Variants in SLC39A14 observed in about 807,000 individuals in gnomAD.
The protein encoded by SLC39A14 is metal cation symporter ZIP14.
A neutral mutation model predicts 45.5 loss-of-function variants in SLC39A14; 19 were observed. That is an observed-to-expected ratio of 0.42 (90% CI 0.29 to 0.61). The LOEUF (loss-of-function observed/expected upper bound fraction) is 0.61. Ranked by LOEUF, SLC39A14 falls within the 20% of genes least tolerant of loss-of-function variation. The pLI is 0.22. For missense variants in SLC39A14, 447 were observed against 616.5 expected, an observed-to-expected ratio of 0.73 and a Z score of 2.91; for synonymous variants, 264 against 251.3, an observed-to-expected ratio of 1.05 and a Z score of -0.48.
chr8:22,395,169 C>T (rs940827384), intron 1 of SLC39A14, among the ~76,000 whole-genome samples: 3 of 152,044 alleles, frequency 2.0e-5, no homozygotes, highest in Admixed American at 6.6e-5. Flanking sequence ...GCCACCACAC[C>T]TGACTAATTT....
At chr8:22,404,229 GC>G (rs1835060476) in intron 1 of SLC39A14, among the ~76,000 whole-genome samples, 1 of 152,102 alleles carries the variant, frequency 6.6e-6, no homozygotes, top group Non-Finnish European at 1.5e-5. Flanking sequence ...TTCGAGACCA[GC>G]CTGGCCAACA....
Position 22,404,964 on chromosome 8 carries a change from A to G in SLC39A14, c.254A>G (p.His85Arg), listed in dbSNP as rs541842720. 27 of 1,614,036 alleles carry G rather than the reference A, an allele frequency of 1.7e-5. No individual in the cohort carries two copies. In the African/African-American group the frequency reaches 2.0e-4, roughly 12 times the overall value. Residue 85 changes from histidine (H) to arginine (R), a missense_variant, in exon 2 of 9, where the codon CAC (histidine) becomes CGC (arginine). Around this residue, in one of 2 missense-constraint regions of SLC39A14, gnomAD observed 342 missense variants for 428.1 expected, o/e 0.80. Transcript: ENST00000381237. ...AATGTCACCCAGCACGTGCAAGGAC[A>G]CAGGAACCTCTCCACGGTAAGGCTC... ...RGNVTQHVQG[H>R]RNLSTCFSSG...
chr8:22,398,472 A>G (rs1201056136), intron 1 of SLC39A14, among the ~76,000 whole-genome samples: 3 of 152,008 alleles, frequency 2.0e-5, no homozygotes, highest in Non-Finnish European at 4.4e-5. Flanking sequence ...CTTAGTTTTC[A>G]TGTTGTGTTT....
intron 8 of SLC39A14, among the ~76,000 whole-genome samples, chr8:22,430,991 CTTT>C (rs869060206): frequency 1.8e-4 from 11 of 60,600 alleles, no homozygotes; most frequent in Admixed American, 3.8e-4. Flanking sequence ...CCAATTCCCT[CTTT>C]TTTTTTTTTT....
At chr8:22,378,816 G>A (rs1176449526) in intron 1 of SLC39A14, among the ~76,000 whole-genome samples, 1 of 152,184 alleles carries the variant, frequency 6.6e-6, no homozygotes, top group Admixed American at 6.5e-5. Context: ...GGTCACTGGA[G>A]TCACTCTTAG....
intron 1 of SLC39A14, among the ~76,000 whole-genome samples, chr8:22,401,549 T>G (rs1346731735): frequency 7.7e-6 from 1 of 129,216 alleles, no homozygotes; most frequent in Non-Finnish European, 1.6e-5. Context: ...CTTTCTTTTT[T>G]TTTTTTTTTT....
intron 3 of SLC39A14, among the ~76,000 whole-genome samples, chr8:22,408,922 G>A (rs1004684684): frequency 6.6e-6 from 1 of 151,414 alleles, no homozygotes; most frequent in African/African-American, 2.4e-5. Flanking sequence ...TTGGCCTGAA[G>A]TGACCCTCCT....
intron 4 of SLC39A14, among the ~76,000 whole-genome samples, chr8:22,413,369 GCGCATATCC>G (rs528538481): frequency 1.8e-3 from 271 of 152,324 alleles, no homozygotes; most frequent in Admixed American, 2.2e-3. Flanking sequence ...CTGCACAAGA[GCGCATATCC>G]CTGAGTCGAG....
intron 1 of SLC39A14, among the ~76,000 whole-genome samples, chr8:22,371,019 C>T (rs1428249336): frequency 1.3e-5 from 2 of 152,100 alleles, no homozygotes; most frequent in African/African-American, 2.4e-5. Context: ...ATCTTGTTCC[C>T]CCCTCCCCCC....
chr8:22,417,694 A>G lies in SLC39A14; in HGVS notation c.1191A>G (p.Gln397=), dbSNP rs756236593. 21 of 1,613,812 alleles carry G rather than the reference A, an allele frequency of 1.3e-5. No individual in the cohort carries two copies. Among genetic ancestry groups the G allele is most frequent in the Middle Eastern group, 1.6e-4 (1 of 6,084 alleles). ...TCAACGCTGGGATGAGCATCCAACA[A>G]GCTCTCTTCTTCAACTTCCTTTCTG... ...ILLNAGMSIQ[Q]ALFFNFLSAC... Residue 397 remains glutamine (Q), a synonymous_variant, in exon 8 of 9, where the codon CAA becomes CAG. Transcript: ENST00000381237.
intron 7 of SLC39A14, 59 bp downstream of exon 7, chr8:22,416,339 C>T (rs1381418787): frequency 1.4e-6 from 2 of 1,440,942 alleles, no homozygotes; most frequent in African/African-American, 1.4e-5. Context: ...AGGCCCCCTT[C>T]CTGTGGCCGG....
chr8:22,415,661 G>A, intron 5 of SLC39A14, 108 bp from the exon 6 acceptor site: 1 of 1,006,322 alleles, frequency 9.9e-7, no homozygotes, highest in Admixed American at 2.9e-5. Flanking sequence ...ATCTTCGATG[G>A]TAAGGCTGAG....
In SLC39A14 at chr8:22,417,935, C is replaced by T. The variant is rs569678105; in HGVS notation, c.1332+100C>T. ...TTTATTTTTTTGAGATGGAGTCTCA[C>T]TCTGTCTCCCAGGCTGGAGTGCAGT... On this transcript the variant is annotated intron_variant, in intron 8 of 8. Transcript: ENST00000381237. 10 of 1,000,604 alleles carry T rather than the reference C, an allele frequency of 1.0e-5. No individual in the cohort carries two copies. In the Admixed American group the frequency reaches 1.4e-4, roughly 14 times the overall value. 62.0% of individuals were successfully genotyped at this position (1,000,604 alleles called of 1,614,324 possible).
chr8:22,373,765 G>GTTT (rs10690749), intron 1 of SLC39A14, among the ~76,000 whole-genome samples: 14 of 139,104 alleles, frequency 1.0e-4, no homozygotes, highest in African/African-American at 2.6e-4. Context: ...TTGTTTTCTC[G>GTTT]TTTTTTTTTT....
chr8:22,388,925 T>A (rs1833924178), intron 1 of SLC39A14, among the ~76,000 whole-genome samples: 1 of 152,184 alleles, frequency 6.6e-6, no homozygotes, highest in Non-Finnish European at 1.5e-5. Flanking sequence ...TTTATTAATC[T>A]GTTGATAAGT....
intron 2 of SLC39A14, among the ~76,000 whole-genome samples, chr8:22,405,537 C>T (rs964908895): frequency 2.6e-5 from 4 of 152,090 alleles, no homozygotes; most frequent in African/African-American, 9.7e-5. Flanking sequence ...TAAAAGGCAG[C>T]CTGGAAGTGG....
chr8:22,416,422 A>C, intron 7 of SLC39A14, 142 bp downstream of exon 7: 1 of 698,480 alleles, frequency 1.4e-6, no homozygotes, highest in Admixed American at 2.7e-5. Context: ...AGCTTCATGG[A>C]CCCTAATCAC....
At chr8:22,402,768 C>CAA (rs754943496) in intron 1 of SLC39A14, among the ~76,000 whole-genome samples, 1 of 82,710 alleles carries the variant, frequency 1.2e-5, no homozygotes. Flanking sequence ...GACTCCATTT[C>CAA]AAAAAAAAAA....
intron 3 of SLC39A14, chr8:22,411,778 C>T (rs955296587): frequency 2.3e-6 from 1 of 434,354 alleles, no homozygotes; most frequent in Admixed American, 3.7e-5. Context: ...CCAAGGCCAC[C>T]TTGAATTCCT....
Sources: gnomAD v4.1 joint callset for allele counts (sites outside exome capture counted in the v4.1 genomes callset) on GRCh38, gnomAD v4.1.1 for gene constraint, gnomAD v4.1.1 regional missense constraint, MANE v1.5 for transcripts, NCBI Gene and HGNC (gene_info 2026-07-23, HGNC 2026-07-21) for gene names.